Variants in PEAK1 observed in about 807,000 individuals in gnomAD.
PEAK1 encodes the protein pseudopodium enriched atypical kinase 1.
PEAK1 carries 54 observed loss-of-function variants against 124.7 expected under a neutral mutation model. That is an observed-to-expected ratio of 0.43 (90% CI 0.35 to 0.54). The LOEUF (loss-of-function observed/expected upper bound fraction) is 0.54, where lower values mean the gene tolerates loss of function less well. Ranked by LOEUF, PEAK1 falls within the 20% of genes least tolerant of loss-of-function variation. The pLI is 0.01. For missense variants in PEAK1, 2,046 were observed against 2,134.5 expected (o/e 0.96, Z 0.82); for synonymous variants, 719 against 760.0 (o/e 0.95, Z 0.89).
At chr15:77,186,645 A>AAAT (rs2057564455) in intron 6 of PEAK1, among the ~76,000 whole-genome samples, 1 of 152,224 alleles carries the variant, frequency 6.6e-6, no homozygotes, top group African/African-American at 2.4e-5. Flanking sequence ...AAAAACAAAA[A>AAAT]AACCGAGACA....
chr15:77,164,710 T>C (rs769160118), intron 7 of PEAK1, among the ~76,000 whole-genome samples: 5 of 152,192 alleles, frequency 3.3e-5, no homozygotes, highest in Non-Finnish European at 5.9e-5. Context: ...AAAATATGGT[T>C]GCCATTCTCA....
chr15:77,323,725 T>A (rs1196696794), intron 2 of PEAK1, among the ~76,000 whole-genome samples: 1 of 152,122 alleles, frequency 6.6e-6, no homozygotes, highest in Non-Finnish European at 1.5e-5. Flanking sequence ...AATTTATAGA[T>A]TCAATGCCAT....
At chr15:77,138,315 T>G (rs2053501762) in intron 8 of PEAK1, among the ~76,000 whole-genome samples, 1 of 152,192 alleles carries the variant, frequency 6.6e-6, no homozygotes, top group African/African-American at 2.4e-5. Flanking sequence ...GAAGTAGCCC[T>G]GGGTGAGTCA....
intron 6 of PEAK1, among the ~76,000 whole-genome samples, chr15:77,247,115 C>T (rs1393074171): frequency 6.6e-6 from 1 of 152,154 alleles, no homozygotes; most frequent in Non-Finnish European, 1.5e-5. Flanking sequence ...TTCTAGTACA[C>T]TTTTTGGTAG....
rs1235413678 is a variant in PEAK1, at chr15:77,162,354, C to T, written c.3138-3658G>A. Among the ~76,000 whole-genome samples the T allele has an allele frequency of 3.3e-5, 5 of 151,122 alleles. No homozygotes were observed. In the East Asian group the frequency reaches 5.9e-4, roughly 18 times the overall value. On this transcript the variant is annotated intron_variant, in intron 7 of 9. Coordinates refer to ENST00000682557, the MANE Select transcript of PEAK1 (RefSeq NM_001385026.1). ...ACTAAAAATACAAAAATTAGGTGGG[C>T]GTGGTGGCGGGTGCCTGTAGTCCCA...
chr15:77,174,956 C>A (rs1375704871), intron 7 of PEAK1, among the ~76,000 whole-genome samples: 1 of 151,578 alleles, frequency 6.6e-6, no homozygotes. Flanking sequence ...CACATATCTA[C>A]AACTATCTGA....
rs969714911 is a variant in PEAK1 at position 77,402,585 on chromosome 15, G to T, written c.-666+17421C>A. On this transcript the variant is annotated intron_variant, in intron 1 of 9. Transcript: ENST00000682557. ...ATCTTTCTGTCATCAAATAATGAAAGATATGCTCCAGTTTTGAATGAAGGT... is the reference window on the plus strand; with the variant it reads ...ATCTTTCTGTCATCAAATAATGAAATATATGCTCCAGTTTTGAATGAAGGT... 3 of 980,268 alleles carry T rather than the reference G, an allele frequency of 3.1e-6. No individual in the cohort carries two copies. In the African/African-American group the frequency reaches 5.3e-5, roughly 17 times the overall value. The allele number at this position is 980,268 out of a possible 1,614,324, so 60.7% of individuals were successfully genotyped here. A position where few individuals can be genotyped will look rare whatever the true frequency, so the allele number is the denominator to read the frequency against.
At chr15:77,161,118 G>A (rs775920071) in intron 7 of PEAK1, among the ~76,000 whole-genome samples, 5 of 152,142 alleles carry the variant, frequency 3.3e-5, no homozygotes, top group Non-Finnish European at 7.3e-5. Context: ...AAACTCACCC[G>A]CTGTGCTCAC....
intron 6 of PEAK1, among the ~76,000 whole-genome samples, chr15:77,190,309 C>T (rs965846503): frequency 6.6e-6 from 1 of 151,976 alleles, no homozygotes; most frequent in African/African-American, 2.4e-5. Flanking sequence ...GAGGAAATAC[C>T]ATAATAAACT....
intron 2 of PEAK1, chr15:77,333,073 C>T: frequency 1.0e-6 from 1 of 983,364 alleles, no homozygotes; most frequent in African/African-American, 1.7e-5. Context: ...AATATTCCTT[C>T]ATATTTGACA....
At chr15:77,214,926 A>G (rs2059080033) in intron 6 of PEAK1, among the ~76,000 whole-genome samples, 1 of 152,198 alleles carries the variant, frequency 6.6e-6, no homozygotes, top group South Asian at 2.1e-4. Flanking sequence ...ACAATTCGAC[A>G]AGAGAATTGG....
chr15:77,400,467 C>G (rs892608997), intron 1 of PEAK1, among the ~76,000 whole-genome samples: 1 of 151,932 alleles, frequency 6.6e-6, no homozygotes, highest in Non-Finnish European at 1.5e-5. Flanking sequence ...CAATGGAGTA[C>G]TATACAGCCA....
At chr15:77,348,449 TAATA>T (rs144896267) in intron 2 of PEAK1, 94,638 of 940,364 alleles carry the variant, frequency 0.1, 5,089 homozygotes, top group Non-Finnish European at 0.11. Flanking sequence ...AAAGAAAAAA[TAATA>T]AATAATAGGT....
intron 8 of PEAK1, chr15:77,155,662 G>C (rs1596382696): frequency 1.3e-5 from 2 of 152,330 alleles, no homozygotes; most frequent in South Asian, 4.2e-4. Context: ...ATGAGTTTTT[G>C]GTGTGGATGT....
intron 8 of PEAK1, among the ~76,000 whole-genome samples, chr15:77,150,567 T>C (rs2054526648): frequency 6.6e-6 from 1 of 152,076 alleles, no homozygotes; most frequent in African/African-American, 2.4e-5. Context: ...AAAGTGCAGG[T>C]TTGTTACATA....
intron 1 of PEAK1, among the ~76,000 whole-genome samples, chr15:77,405,870 T>TA (rs1227937658): frequency 3.3e-5 from 5 of 152,136 alleles, no homozygotes; most frequent in African/African-American, 1.2e-4. Flanking sequence ...TCTAACTCCC[T>TA]AAAAATCTAA....
At chr15:77,166,872 C>G (rs2056138401) in intron 7 of PEAK1, among the ~76,000 whole-genome samples, 1 of 152,180 alleles carries the variant, frequency 6.6e-6, no homozygotes, top group African/African-American at 2.4e-5. Context: ...TCGGTGACTT[C>G]AAAGTCTACG....
Position 77,109,076 on chromosome 15 carries a change from T to C in PEAK1, c.*5080A>G, listed in dbSNP as rs928251966. ...ATTAAATGATGGTGATGATGAATGGTACACAACTCTGTAGGAAGGTTTATA... is the reference window on the plus strand; with the variant it reads ...ATTAAATGATGGTGATGATGAATGGCACACAACTCTGTAGGAAGGTTTATA... On this transcript the variant is annotated 3_prime_UTR_variant, in exon 10 of 10. Transcript: ENST00000682557. The C allele has an allele frequency of 2.0e-5, 3 of 152,194 alleles. No individual in the cohort carries two copies. The highest frequency in any genetic ancestry group is 1.3e-4 in the Admixed American group (2 of 15,278). 9.4% of individuals were successfully genotyped at this position (152,194 alleles called of 1,614,324 possible).
At chr15:77,339,115 CTTT>C (rs398057842) in intron 2 of PEAK1, among the ~76,000 whole-genome samples, 1 of 139,380 alleles carries the variant, frequency 7.2e-6, no homozygotes, top group Non-Finnish European at 1.6e-5. Flanking sequence ...AATGTTAAGA[CTTT>C]TTTTTTTTTT....
Sources: gnomAD v4.1 joint callset for allele counts (sites outside exome capture counted in the v4.1 genomes callset) on GRCh38, gnomAD v4.1.1 for gene constraint, MANE v1.5 for transcripts, NCBI Gene and HGNC (gene_info 2026-07-23, HGNC 2026-07-21) for gene names.